The following CCDC91 variants were observed in gnomAD, a reference collection of about 807,000 sequenced individuals.
CCDC91 encodes coiled-coil domain containing 91, also known as coiled-coil domain-containing protein 91.
In CCDC91, 48 loss-of-function variants were observed where a neutral mutation model predicts 63.2. The observed-to-expected ratio is 0.76, with a 90% confidence interval of 0.60 to 0.97. CCDC91 has a LOEUF of 0.97. CCDC91 is among the 50% of genes least tolerant of loss of function. The pLI is 0.00. For missense variants in CCDC91, 500 were observed against 494.6 expected (o/e 1.01, Z -0.10); for synonymous variants, 167 against 165.8 (o/e 1.01, Z -0.06).
intron 11 of CCDC91, among the ~76,000 whole-genome samples, chr12:28,476,645 C>G (rs545037460): frequency 2.0e-5 from 3 of 151,978 alleles, no homozygotes; most frequent in African/African-American, 7.3e-5. Flanking sequence ...GAGATAGAAA[C>G]ACAAAAAACC....
chr12:28,245,185 C>T (rs1199905148), intron 1 of CCDC91, among the ~76,000 whole-genome samples: 1 of 151,970 alleles, frequency 6.6e-6, no homozygotes, highest in Non-Finnish European at 1.5e-5. Flanking sequence ...AATCTTATAG[C>T]TAGAAACAGA....
intron 6 of CCDC91, among the ~76,000 whole-genome samples, chr12:28,362,128 A>G (rs1472808453): frequency 6.6e-6 from 1 of 152,042 alleles, no homozygotes; most frequent in Non-Finnish European, 1.5e-5. Context: ...AGGGTTTCCC[A>G]TCTCTTGATC....
intron 1 of CCDC91, among the ~76,000 whole-genome samples, chr12:28,216,685 C>T (rs1181963648): frequency 6.6e-6 from 1 of 151,916 alleles, no homozygotes; most frequent in Non-Finnish European, 1.5e-5. Context: ...AACAGGCAAT[C>T]GTTGAGAGCA....
chr12:28,534,604 G>A (rs1942005240), intron 12 of CCDC91, among the ~76,000 whole-genome samples: 1 of 152,022 alleles, frequency 6.6e-6, no homozygotes, highest in Non-Finnish European at 1.5e-5. Flanking sequence ...GATACTCCCT[G>A]GAGGCCTCAA....
intron 8 of CCDC91, among the ~76,000 whole-genome samples, chr12:28,408,437 A>G (rs189992855): frequency 4.6e-5 from 7 of 152,274 alleles, no homozygotes; most frequent in African/African-American, 1.2e-4. Context: ...TAGTGCTGCA[A>G]TAAACATACT....
chr12:28,266,273 T>C lies in CCDC91; in HGVS notation c.109+6831T>C, dbSNP rs529640203. 3.3e-5 allele frequency among the ~76,000 whole-genome samples: 5 copies of C among 152,118 alleles called. No homozygotes were observed. The East Asian group carries it at 7.7e-4, about 23-fold the overall frequency. ...TTATAGTGTGGATTAGAGTCAAATA[T>C]CCGTGTTGTGGAGTGAGGATTTCTG... On this transcript the variant is annotated intron_variant, in intron 3 of 12. Transcript: ENST00000536442.
intron 3 of CCDC91, among the ~76,000 whole-genome samples, chr12:28,273,374 C>A (rs1480286229): frequency 1.3e-5 from 2 of 152,140 alleles, no homozygotes; most frequent in Admixed American, 6.5e-5. Flanking sequence ...ATTGCTGGGT[C>A]AAATGGTATT....
At chr12:28,347,095 A>G (rs2138141356) in intron 6 of CCDC91, among the ~76,000 whole-genome samples, 1 of 152,336 alleles carries the variant, frequency 6.6e-6, no homozygotes, top group South Asian at 2.1e-4. Flanking sequence ...TCACATCAAA[A>G]GAATATACAT....
At chr12:28,192,295 A>G (rs1227356860) in intron 1 of CCDC91, among the ~76,000 whole-genome samples, 2 of 152,190 alleles carry the variant, frequency 1.3e-5, no homozygotes, top group African/African-American at 2.4e-5. Context: ...TATATGTGTC[A>G]GATGTATGCA....
At chr12:28,266,784 A>G (rs1291759321) in intron 3 of CCDC91, among the ~76,000 whole-genome samples, 1 of 151,908 alleles carries the variant, frequency 6.6e-6, no homozygotes, top group Non-Finnish European at 1.5e-5. Context: ...GGATTTTCTG[A>G]TACTGCTAAA....
chr12:28,284,780 C>T (rs568035129), intron 3 of CCDC91, among the ~76,000 whole-genome samples: 7 of 152,230 alleles, frequency 4.6e-5, no homozygotes, highest in East Asian at 3.9e-4. Flanking sequence ...TGACTGTATT[C>T]GTGGTCAACA....
At chr12:28,453,092 A>G (rs10843173) in intron 11 of CCDC91, among the ~76,000 whole-genome samples, 61,036 of 151,668 alleles carry the variant, frequency 0.4, 12,539 homozygotes, top group Middle Eastern at 0.48. Flanking sequence ...CTCTATACCT[A>G]TAGTTGGTAA....
intron 6 of CCDC91, among the ~76,000 whole-genome samples, chr12:28,360,959 C>A (rs542095470): frequency 6.6e-6 from 1 of 151,522 alleles, no homozygotes; most frequent in East Asian, 1.9e-4. Flanking sequence ...TAGGACTATT[C>A]AAATTTTGTA....
In CCDC91 at chr12:28,296,831, C is replaced by T. The variant is rs560539647; in HGVS notation, c.110-8818C>T. Among the ~76,000 whole-genome samples, 43 of 151,892 alleles carry T rather than the reference C, an allele frequency of 2.8e-4. No individual in the cohort carries two copies. In the South Asian group the frequency reaches 3.3e-3, roughly 12 times the overall value. On this transcript the variant is annotated intron_variant, in intron 3 of 12. Transcript: ENST00000536442. ...TGATTTGGATCTCCATAAGCACTTGCAAATTCTTTGTTTTTTCATAACAGT... is the reference window on the plus strand; with the variant it reads ...TGATTTGGATCTCCATAAGCACTTGTAAATTCTTTGTTTTTTCATAACAGT...
chr12:28,537,221 A>AG (rs1329197515), intron 12 of CCDC91, among the ~76,000 whole-genome samples: 2 of 152,168 alleles, frequency 1.3e-5, no homozygotes, highest in African/African-American at 2.4e-5. Context: ...TAGCAGAGAA[A>AG]GGGGGAAAAA....
intron 12 of CCDC91, among the ~76,000 whole-genome samples, chr12:28,548,711 G>GT (rs1943147615): frequency 1.3e-5 from 2 of 151,990 alleles, no homozygotes; most frequent in South Asian, 4.2e-4. Context: ...TACTTATTTT[G>GT]TTACTTGTAT....
intron 8 of CCDC91, 137 bp from the exon 9 acceptor site, chr12:28,450,024 T>G: frequency 3.8e-6 from 2 of 519,546 alleles, no homozygotes; most frequent in Non-Finnish European, 3.5e-6. Flanking sequence ...TCCTGAACCT[T>G]CGTTTTAGGG....
chr12:28,237,498 A>G (rs1286092313), intron 1 of CCDC91, among the ~76,000 whole-genome samples: 1 of 152,206 alleles, frequency 6.6e-6, no homozygotes, highest in Non-Finnish European at 1.5e-5. Context: ...CAGAGAAGAC[A>G]GTGTGAAGAT....
At chr12:28,399,888 T>G (rs867291091) in intron 8 of CCDC91, among the ~76,000 whole-genome samples, 1 of 152,202 alleles carries the variant, frequency 6.6e-6, no homozygotes, top group Non-Finnish European at 1.5e-5. Flanking sequence ...ACAGGCCTCC[T>G]CCTGGCTGCT....
Sources: gnomAD v4.1 joint callset for allele counts (sites outside exome capture counted in the v4.1 genomes callset) on GRCh38, gnomAD v4.1.1 for gene constraint, MANE v1.5 for transcripts, NCBI Gene and HGNC (gene_info 2026-07-23, HGNC 2026-07-21) for gene names.